The following URI1 variants were observed in gnomAD, a reference collection of about 807,000 sequenced individuals.
URI1 encodes unconventional prefoldin RPB5 interactor 1.
In URI1, 39 loss-of-function variants were observed where a neutral mutation model predicts 60.2. The observed-to-expected ratio is 0.65, with a 90% CI of 0.50 to 0.85. URI1 has a LOEUF of 0.85. URI1 is among the 40% of genes least tolerant of loss of function. URI1 has a pLI of 0.00. For missense variants in URI1, 691 were observed against 665.9 expected (o/e 1.04, Z -0.42); for synonymous variants, 251 against 236.8 (o/e 1.06, Z -0.55).
chr19:29,948,604 AT>A (rs1185670949), intron 1 of URI1, among the ~76,000 whole-genome samples: 1 of 152,110 alleles, frequency 6.6e-6, no homozygotes, highest in Non-Finnish European at 1.5e-5. Flanking sequence ...ACCACCCTTA[AT>A]CCATTTAACC....
intron 2 of URI1, among the ~76,000 whole-genome samples, chr19:29,976,576 C>T (rs1466830595): frequency 1.3e-5 from 2 of 152,068 alleles, no homozygotes; most frequent in South Asian, 2.1e-4. Context: ...TGAGAGGAGG[C>T]GTGAAAAAGA....
chr19:29,968,882 A>AT (rs1183834591), intron 1 of URI1, among the ~76,000 whole-genome samples: 1 of 151,718 alleles, frequency 6.6e-6, no homozygotes, highest in African/African-American at 2.4e-5. Context: ...AAATTTACTA[A>AT]TTTTTTCTTT....
chr19:29,966,440 G>T (rs2055392384), intron 1 of URI1, among the ~76,000 whole-genome samples: 1 of 152,102 alleles, frequency 6.6e-6, no homozygotes. Flanking sequence ...TCAGGCTATG[G>T]TGGTTTTTAT....
intron 1 of URI1, among the ~76,000 whole-genome samples, chr19:29,948,091 G>A (rs549908957): frequency 1.3e-5 from 2 of 152,274 alleles, no homozygotes; most frequent in South Asian, 4.1e-4. Flanking sequence ...TGTGTAAGTA[G>A]ATCAGTTTCT....
chr19:29,975,899 ATGTGTGTGTGTTG>A (rs891916888), intron 2 of URI1, among the ~76,000 whole-genome samples: 1 of 152,010 alleles, frequency 6.6e-6, no homozygotes, highest in Non-Finnish European at 1.5e-5. Context: ...TTGTGTATGT[ATGTGTGTGTGTTG>A]TGTGTGTGTA....
chr19:29,969,737 A>C (rs2055435012), intron 1 of URI1, among the ~76,000 whole-genome samples: 1 of 152,188 alleles, frequency 6.6e-6, no homozygotes, highest in African/African-American at 2.4e-5. Flanking sequence ...TAGGAACTTT[A>C]TGAAAAGGAT....
intron 2 of URI1, among the ~76,000 whole-genome samples, chr19:29,978,821 A>G (rs559426893): frequency 1.2e-4 from 19 of 152,108 alleles, no homozygotes; most frequent in Non-Finnish European, 2.2e-4. Context: ...TTTTATTTTT[A>G]AGTCAGTTGA....
intron 1 of URI1, among the ~76,000 whole-genome samples, chr19:29,933,859 T>G (rs2145202143): frequency 6.6e-6 from 1 of 151,804 alleles, no homozygotes; most frequent in Non-Finnish European, 1.5e-5. Context: ...TTCATTGATT[T>G]CCTCTATCAT....
upstream of URI1, among the ~76,000 whole-genome samples, chr19:29,939,232 C>T (rs2055000206): frequency 6.6e-6 from 1 of 151,970 alleles, no homozygotes; most frequent in East Asian, 1.9e-4. Flanking sequence ...CTGCCTTGGC[C>T]TCCCAAAGTG....
At chr19:29,972,307 G>GGT (rs1286796451) in intron 2 of URI1, among the ~76,000 whole-genome samples, 1 of 152,030 alleles carries the variant, frequency 6.6e-6, no homozygotes, top group Non-Finnish European at 1.5e-5. Context: ...TTCCACTGGT[G>GGT]GTGTAAGTGT....
intron 10 of URI1, among the ~76,000 whole-genome samples, chr19:30,013,979 C>T (rs2056054942): frequency 1.3e-5 from 2 of 150,942 alleles, no homozygotes; most frequent in South Asian, 4.2e-4. Flanking sequence ...ATTTTGAGCA[C>T]TTGGTAGACA....
chr19:29,930,977 G>A (rs762042653), intron 1 of URI1, among the ~76,000 whole-genome samples: 1 of 151,948 alleles, frequency 6.6e-6, no homozygotes, highest in Non-Finnish European at 1.5e-5. Flanking sequence ...CAATGTGTTG[G>A]GATTACAGGC....
In URI1 at chr19:29,942,555, C is replaced by T. The variant is rs1215776464; in HGVS notation, c.8C>T (p.Ala3Val). Residue 3 changes from alanine (A) to valine (V), a missense_variant, in exon 1 of 11, where the codon GCG (alanine) becomes GTG (valine). Coordinates refer to ENST00000392271, the MANE Select transcript of URI1 (RefSeq NM_003796.3). Reference protein sequence around the residue: MEAPTVETPPDPS... With the variant: MEVPTVETPPDPS... The stretch of plus-strand genomic sequence containing the variant: ...GAGGCCCGCGGGCCCGTCATGGAGG[C>T]GCCCACCGTGGAGACGCCCCCCGAC... 7.1e-7 allele frequency: 1 copy of T among 1,415,104 alleles called. No individual in the cohort carries two copies. 87.7% of individuals were successfully genotyped at this position (1,415,104 alleles called of 1,614,324 possible).
intron 2 of URI1, among the ~76,000 whole-genome samples, chr19:29,979,787 AT>A (rs2055569991): frequency 6.6e-6 from 1 of 152,228 alleles, no homozygotes; most frequent in African/African-American, 2.4e-5. Flanking sequence ...TAATAGAGTT[AT>A]AAAAAAGGAA....
At chr19:29,928,000 C>T (rs2145191202) in intron 1 of URI1, among the ~76,000 whole-genome samples, 1 of 152,234 alleles carries the variant, frequency 6.6e-6, no homozygotes, top group Admixed American at 6.5e-5. Context: ...TTCTGTCTGG[C>T]TCCCTTGGAA....
At chr19:29,936,097 T>A (rs534649771) in intron 1 of URI1, among the ~76,000 whole-genome samples, 147 of 151,434 alleles carry the variant, frequency 9.7e-4, no homozygotes, top group African/African-American at 3.1e-3. Flanking sequence ...TTAAAAAAAA[T>A]TTTTTTTTGA....
In URI1 at chr19:29,986,210, C is replaced by T. The variant is rs111650711; in HGVS notation, c.232-72C>T. On this transcript the variant is annotated intron_variant, in intron 3 of 10. Coordinates refer to ENST00000392271, the MANE Select transcript of URI1 (RefSeq NM_003796.3). ...ATTCAGTTATGTAAGGCTTTTAATGCGAAGTGTTTTATAAAATGTACTTTT... is the reference window on the plus strand; with the variant it reads ...ATTCAGTTATGTAAGGCTTTTAATGTGAAGTGTTTTATAAAATGTACTTTT... The T allele has an allele frequency of 3.0e-5, 42 of 1,386,712 alleles. 3 individuals are homozygous for T. The highest frequency in any genetic ancestry group is 1.9e-4 in the East Asian group (7 of 36,856). The allele number at this position is 1,386,712 out of a possible 1,614,324, so 85.9% of individuals were successfully genotyped here.
rs2056007723 is a variant in URI1 at position 30,010,810 on chromosome 19, A to G, written c.1036-284A>G. Among the ~76,000 whole-genome samples the G allele has an allele frequency of 2.0e-5, 3 of 152,242 alleles. No homozygotes were observed. The South Asian group carries it at 6.2e-4, about 32-fold the overall frequency. On this transcript the variant is annotated intron_variant, in intron 8 of 10. Transcript: ENST00000392271. ...AAAGGAATGGGGTGATGGGAAGTTT[A>G]TAAGAAATCTAGCATTTAGTTCAAA...
At chr19:30,004,716 T>C (rs2055918337) in intron 4 of URI1, among the ~76,000 whole-genome samples, 1 of 152,090 alleles carries the variant, frequency 6.6e-6, no homozygotes, top group Non-Finnish European at 1.5e-5. Flanking sequence ...CTACTCTGAT[T>C]ACAGAAACAT....
Sources: allele counts gnomAD v4.1 joint callset (sites outside exome capture counted in the v4.1 genomes callset), GRCh38; gene constraint gnomAD v4.1.1; transcripts MANE v1.5; gene names NCBI Gene and HGNC (gene_info 2026-07-23, HGNC 2026-07-21).